C10orf67: variants seen among roughly 807,000 people sequenced by gnomAD.
C10orf67 encodes the protein chromosome 10 open reading frame 67, also known as uncharacterized protein C10orf67, mitochondrial.
Under a neutral mutation model 35.6 loss-of-function variants are expected in C10orf67, and 60 were observed. The ratio of observed to expected loss-of-function variants is 1.68; its 90% CI spans 1.37 to 2.09. The LOEUF (loss-of-function observed/expected upper bound fraction) is 2.09, where lower values mean the gene tolerates loss of function less well. C10orf67 is among the 30% of genes most tolerant of loss of function. C10orf67 has a pLI of 0.00. For missense variants in C10orf67, 474 were observed against 330.2 expected (o/e 1.44, Z -3.38); for synonymous variants, 167 against 115.8 (o/e 1.44, Z -2.84).
chr10:23,252,910 G>C (rs552234697), intron 10 of C10orf67, among the ~76,000 whole-genome samples: 92 of 151,600 alleles, frequency 6.1e-4, no homozygotes, highest in African/African-American at 1.9e-3. Flanking sequence ...TTGTGGGAGA[G>C]ACCTGGTGGG....
chr10:23,228,774 G>A (rs1233466279), intron 13 of C10orf67, among the ~76,000 whole-genome samples: 2 of 152,144 alleles, frequency 1.3e-5, no homozygotes, highest in African/African-American at 2.4e-5. Flanking sequence ...AGTGGGTGAA[G>A]GATATGAACA....
chr10:23,210,696 T>A (rs1841285115), intron 15 of C10orf67, among the ~76,000 whole-genome samples: 1 of 152,146 alleles, frequency 6.6e-6, no homozygotes, highest in Admixed American at 6.6e-5. Flanking sequence ...CTGGGAGGAT[T>A]ACAGGTGTGA....
At chr10:23,301,684 G>A (rs139864491) in intron 5 of C10orf67, among the ~76,000 whole-genome samples, 8 of 151,854 alleles carry the variant, frequency 5.3e-5, no homozygotes, top group Admixed American at 2.0e-4. Flanking sequence ...TGGGCCATGC[G>A]GTGGTGGTGG....
At chr10:23,249,292 C>T (rs1842391347) in intron 12 of C10orf67, among the ~76,000 whole-genome samples, 1 of 152,038 alleles carries the variant, frequency 6.6e-6, no homozygotes, top group Non-Finnish European at 1.5e-5. Context: ...TTATTCAGCT[C>T]TAGAGATAAT....
chr10:23,303,459 G>C lies in C10orf67; in HGVS notation c.547C>G (p.Gln183Glu). 1.8e-6 allele frequency: 1 copy of C among 547,296 alleles called. No individual in the cohort carries two copies. The highest frequency in any genetic ancestry group is 3.3e-6 in the Non-Finnish European group (1 of 302,570). 33.9% of individuals were successfully genotyped at this position (547,296 alleles called of 1,614,324 possible). ...TTCTCTTCTTCTACCTCAAAGAATT[G>C]CTAGGGACAAAAAAAAGCAGCATTA... The part of the protein sequence containing the change: ...AIAVIKGMYQ[Q>E]FFEVEEENVS... Residue 183 changes from glutamine to glutamate, a missense_variant and splice_region_variant, in exon 5 of 16, where the codon CAA becomes GAA. Transcript: ENST00000636213.
At chr10:23,247,593 TATATA>T (rs534650586) in intron 12 of C10orf67, among the ~76,000 whole-genome samples, 51 of 152,328 alleles carry the variant, frequency 3.3e-4, no homozygotes, top group African/African-American at 1.2e-3. Flanking sequence ...GTCATTTATA[TATATA>T]ATATGAGGAT....
chr10:23,262,660 G>A (rs1202460740), intron 10 of C10orf67, among the ~76,000 whole-genome samples: 2 of 152,130 alleles, frequency 1.3e-5, no homozygotes, highest in Non-Finnish European at 2.9e-5. Context: ...CCCCTTTTCA[G>A]TTGGTTTTTG....
At chr10:23,241,927 C>T (rs569768112) in intron 12 of C10orf67, among the ~76,000 whole-genome samples, 11 of 151,590 alleles carry the variant, frequency 7.3e-5, no homozygotes, top group Non-Finnish European at 1.5e-4. Context: ...TGACAGCTGA[C>T]TTGTCAACAG....
intron 13 of C10orf67, among the ~76,000 whole-genome samples, chr10:23,236,252 GGAAAAA>G: frequency 1.2e-5 from 1 of 81,556 alleles, no homozygotes; most frequent in Admixed American, 1.3e-4. Flanking sequence ...CCCTCTCGGG[GGAAAAA>G]AAAAAAAAAA....
intron 8 of C10orf67, among the ~76,000 whole-genome samples, chr10:23,272,520 C>G (rs1437968018): frequency 1.3e-5 from 2 of 152,214 alleles, no homozygotes; most frequent in Non-Finnish European, 2.9e-5. Flanking sequence ...AGTTCTACTT[C>G]TAGATTCTCT....
At chr10:23,247,819 T>C (rs892865739) in intron 12 of C10orf67, among the ~76,000 whole-genome samples, 1 of 152,128 alleles carries the variant, frequency 6.6e-6, no homozygotes, top group African/African-American at 2.4e-5. Flanking sequence ...GGAAGAGAGG[T>C]GACAGGCACT....
At chr10:23,251,028 T>G (rs1211254468) in intron 10 of C10orf67, among the ~76,000 whole-genome samples, 2 of 151,952 alleles carry the variant, frequency 1.3e-5, no homozygotes, top group African/African-American at 4.8e-5. Context: ...GCCCAGGAGG[T>G]CGAAGCTGCA....
At chr10:23,329,772 TGG>T (rs1186719739) in intron 2 of C10orf67, among the ~76,000 whole-genome samples, 1 of 57,314 alleles carries the variant, frequency 1.7e-5, no homozygotes, top group East Asian at 4.8e-4. Context: ...CACTCCAGCC[TGG>T]GCAACAGAAC....
chr10:23,242,173 T>G (rs987389445), intron 12 of C10orf67, among the ~76,000 whole-genome samples: 4 of 152,038 alleles, frequency 2.6e-5, no homozygotes, highest in African/African-American at 9.7e-5. Context: ...GGTTTCACTG[T>G]GTTGTGAGGC....
intron 8 of C10orf67, among the ~76,000 whole-genome samples, chr10:23,275,946 C>T (rs1843174749): frequency 6.6e-6 from 1 of 152,174 alleles, no homozygotes. Flanking sequence ...AGTTTCCATT[C>T]TGCCTCAGAA....
chr10:23,248,575 T>G (rs1043089978), intron 12 of C10orf67, among the ~76,000 whole-genome samples: 1 of 152,174 alleles, frequency 6.6e-6, no homozygotes, highest in African/African-American at 2.4e-5. Context: ...TTTCATCTAC[T>G]AAACAAAAAT....
rs1449830421 is a variant in C10orf67, at chr10:23,272,051, A to T, written c.976-4797T>A. On this transcript the variant is annotated intron_variant, in intron 8 of 15. Transcript: ENST00000636213. ...CCCACCTCAGCCTCTGAAGTATCTG[A>T]GACTACAGGTGCATGCCAACATGAC... Among the ~76,000 whole-genome samples the T allele has an allele frequency of 3.9e-5, 6 of 151,978 alleles. No homozygotes were observed. The East Asian group carries it at 1.2e-3, about 29-fold the overall frequency.
intron 8 of C10orf67, among the ~76,000 whole-genome samples, chr10:23,279,713 A>G (rs1224600168): frequency 1.3e-5 from 2 of 152,192 alleles, no homozygotes; most frequent in Non-Finnish European, 2.9e-5. Context: ...ATGGGAAGAT[A>G]CAAAATTATT....
intron 4 of C10orf67, among the ~76,000 whole-genome samples, chr10:23,310,083 G>A (rs1218995057): frequency 6.6e-6 from 1 of 152,208 alleles, no homozygotes; most frequent in Admixed American, 6.5e-5. Context: ...GCAGAAAGCA[G>A]TGTGATTTTC....
Sources: gnomAD v4.1 joint callset for allele counts (sites outside exome capture counted in the v4.1 genomes callset) on GRCh38, gnomAD v4.1.1 for gene constraint, MANE v1.5 for transcripts, NCBI Gene and HGNC (gene_info 2026-07-23, HGNC 2026-07-21) for gene names.